Variants in LHFPL2 observed in about 807,000 individuals in gnomAD.
LHFPL2 encodes the protein LHFPL tetraspan subfamily member 2 protein.
A neutral mutation model predicts 17.5 loss-of-function variants in LHFPL2; 7 were observed. That is an observed-to-expected ratio of 0.40 (90% CI 0.23 to 0.75). The LOEUF is 0.75. Among genes scored for constraint, LHFPL2 ranks in the 30% least tolerant of loss-of-function variants. The pLI is 0.37. For synonymous variants in LHFPL2, 134 were observed against 116.2 expected, an observed-to-expected ratio of 1.15 and a Z score of -0.99; for missense variants, 241 against 294.8, an observed-to-expected ratio of 0.82 and a Z score of 1.34.
intron 3 of LHFPL2, chr5:78,549,253 A>G (rs1756372642): frequency 6.6e-6 from 1 of 152,218 alleles, no homozygotes; most frequent in Non-Finnish European, 1.5e-5. Context: ...GAGGTCTCAG[A>G]GCAGAGTTCC....
intron 2 of LHFPL2, among the ~76,000 whole-genome samples, chr5:78,591,287 G>A (rs1743618109): frequency 6.6e-6 from 1 of 152,124 alleles, no homozygotes; most frequent in African/African-American, 2.4e-5. Context: ...TTCAAAGAAC[G>A]GGGGAAGCAG....
intron 2 of LHFPL2, among the ~76,000 whole-genome samples, chr5:78,586,213 G>T (rs67303624): frequency 0.24 from 36,371 of 152,054 alleles, 4,492 homozygotes; most frequent in Admixed American, 0.31. Context: ...AAACCTCAAA[G>T]AACTTTTTTC....
intron 2 of LHFPL2, among the ~76,000 whole-genome samples, chr5:78,611,492 AG>A (rs1471738331): frequency 6.6e-6 from 1 of 152,172 alleles, no homozygotes; most frequent in African/African-American, 2.4e-5. Flanking sequence ...CCCTGGCCCC[AG>A]GAAGTCCCGC....
At chr5:78,597,977 T>C (rs1269801191) in intron 2 of LHFPL2, among the ~76,000 whole-genome samples, 6 of 152,180 alleles carry the variant, frequency 3.9e-5, no homozygotes, top group Non-Finnish European at 7.3e-5. Flanking sequence ...CACCAAAACT[T>C]GACAACCACA....
chr5:78,519,711 C>T (rs1755392596), intron 3 of LHFPL2, among the ~76,000 whole-genome samples: 1 of 152,214 alleles, frequency 6.6e-6, no homozygotes, highest in Non-Finnish European at 1.5e-5. Flanking sequence ...TAGCACATGG[C>T]CAGCACTCCA....
At chr5:78,623,915 C>T (rs1446623807) in intron 2 of LHFPL2, among the ~76,000 whole-genome samples, 2 of 152,178 alleles carry the variant, frequency 1.3e-5, no homozygotes, top group Non-Finnish European at 2.9e-5. Context: ...AAAAAACAGC[C>T]CCCATGAGAA....
intron 2 of LHFPL2, among the ~76,000 whole-genome samples, chr5:78,615,507 A>G (rs1744569682): frequency 6.6e-6 from 1 of 152,216 alleles, no homozygotes; most frequent in Non-Finnish European, 1.5e-5. Flanking sequence ...CTGTTTTCTA[A>G]AAACAAATCC....
Position 78,537,076 on chromosome 5 carries a change from C to T in LHFPL2, c.-185-26678G>A, listed in dbSNP as rs866404012. Among the ~76,000 whole-genome samples the T allele has an allele frequency of 4.6e-5, 7 of 152,350 alleles. 1 individual carries two copies. The South Asian group carries it at 1.2e-3, about 27-fold the overall frequency. The stretch of plus-strand genomic sequence containing the variant: ...AGACCCCAACCCAGACCCACTGAAT[C>T]GGAATCTGCATTTCACATTCACAGG... On this transcript the variant is annotated intron_variant, in intron 3 of 4. Transcript: ENST00000380345.
chr5:78,539,843 A>G (rs554951059), intron 3 of LHFPL2, among the ~76,000 whole-genome samples: 1 of 139,514 alleles, frequency 7.2e-6, no homozygotes, highest in African/African-American at 2.7e-5. Context: ...TTAAGTTAGC[A>G]TTTTCATTTG....
intron 2 of LHFPL2, among the ~76,000 whole-genome samples, chr5:78,629,952 C>T (rs1745182104): frequency 6.6e-6 from 1 of 152,180 alleles, no homozygotes; most frequent in South Asian, 2.1e-4. Flanking sequence ...AAACGCAGTA[C>T]CTTATTAACA....
chr5:78,523,437 G>T (rs543518143), intron 3 of LHFPL2, among the ~76,000 whole-genome samples: 1 of 152,148 alleles, frequency 6.6e-6, no homozygotes, highest in Non-Finnish European at 1.5e-5. Flanking sequence ...CCCCCACAGT[G>T]AGGGGGTAGA....
At chr5:78,599,593 C>T (rs1743942312) in intron 2 of LHFPL2, among the ~76,000 whole-genome samples, 1 of 152,030 alleles carries the variant, frequency 6.6e-6, no homozygotes, top group South Asian at 2.1e-4. Context: ...AGGCATGAGC[C>T]ACTACACCCA....
chr5:78,573,335 T>G (rs559411912), intron 2 of LHFPL2, among the ~76,000 whole-genome samples: 2 of 152,292 alleles, frequency 1.3e-5, no homozygotes, highest in East Asian at 3.9e-4. Context: ...ATGACTTAAA[T>G]GTAAAGGTCC....
At chr5:78,615,580 C>T (rs942071535) in intron 2 of LHFPL2, among the ~76,000 whole-genome samples, 12 of 152,204 alleles carry the variant, frequency 7.9e-5, no homozygotes, top group Admixed American at 2.6e-4. Context: ...TTCCAATTAA[C>T]TTATGACCTG....
chr5:78,616,953 A>C (rs1744638758), intron 2 of LHFPL2, among the ~76,000 whole-genome samples: 1 of 152,236 alleles, frequency 6.6e-6, no homozygotes. Flanking sequence ...AGAACTCATA[A>C]GGTAGGCCTC....
intron 4 of LHFPL2, among the ~76,000 whole-genome samples, chr5:78,505,395 T>C (rs1754901964): frequency 6.6e-6 from 1 of 152,036 alleles, no homozygotes; most frequent in Non-Finnish European, 1.5e-5. Flanking sequence ...AGAAGCCACC[T>C]GCAATCAACA....
intron 3 of LHFPL2, among the ~76,000 whole-genome samples, chr5:78,548,150 C>T (rs191205407): frequency 1.3e-5 from 2 of 152,238 alleles, no homozygotes; most frequent in African/African-American, 2.4e-5. Flanking sequence ...CTGGCCAGCA[C>T]GGCTGTAGCA....
At position 78,591,970 on chromosome 5, in the gene LHFPL2, A is replaced by G. The variant is rs189098486; in HGVS notation, c.-244-27099T>C. On this transcript the variant is annotated intron_variant, in intron 2 of 4. Coordinates refer to ENST00000380345, the MANE Select transcript of LHFPL2 (RefSeq NM_005779.3). ...GGTCTGAGAACTGATTCCTAGAGACAGAGCTGGCGCAGGAGGGCTGGGAAG... is the reference window on the plus strand; with the variant it reads ...GGTCTGAGAACTGATTCCTAGAGACGGAGCTGGCGCAGGAGGGCTGGGAAG... 2.1e-4 allele frequency among the ~76,000 whole-genome samples: 32 copies of G among 152,388 alleles called. 1 individual carries two copies. In the East Asian group the frequency reaches 3.7e-3, roughly 17 times the overall value.
chr5:78,526,651 T>C (rs10061226), intron 3 of LHFPL2, among the ~76,000 whole-genome samples: 55,782 of 152,166 alleles, frequency 0.37, 10,643 homozygotes, highest in Middle Eastern at 0.45. Flanking sequence ...TTCAACAATG[T>C]GCCCCAACCA....
Sources: gnomAD v4.1 joint callset for allele counts (sites outside exome capture counted in the v4.1 genomes callset) on GRCh38, gnomAD v4.1.1 for gene constraint, MANE v1.5 for transcripts, NCBI Gene and HGNC (gene_info 2026-07-23, HGNC 2026-07-21) for gene names.